The following ZFYVE16 variants were observed in gnomAD, a reference collection of about 807,000 sequenced individuals.
ZFYVE16 encodes zinc finger FYVE domain-containing protein 16.
In ZFYVE16, 89 loss-of-function variants were observed where a neutral mutation model predicts 138.1. The observed-to-expected ratio is 0.64, with a 90% CI of 0.54 to 0.77. The LOEUF (loss-of-function observed/expected upper bound fraction) is 0.77, where lower values mean the gene tolerates loss of function less well. ZFYVE16 is among the 30% of genes least tolerant of loss of function. The pLI is 0.00. For synonymous variants in ZFYVE16, 596 were observed against 618.3 expected (o/e 0.96, Z 0.53); for missense variants, 1,793 against 1,786.7 (o/e 1.00, Z -0.06).
At position 80,437,375 on chromosome 5, in the gene ZFYVE16, A is replaced by G. The variant is rs1241195296; in HGVS notation, c.690A>G (p.Lys230=). The part of the protein sequence containing the change: ...NYSGTENLKD[K]KIFNQLESIV... Reference sequence around the variant, plus strand: ...GTGGAACAGAAAATTTAAAAGATAAAAAGATCTTTAATCAGTTAGAATCAA... The same window carrying G: ...GTGGAACAGAAAATTTAAAAGATAAGAAGATCTTTAATCAGTTAGAATCAA... The change falls in exon 4 of 19, where the codon AAA becomes AAG. Residue 230 remains lysine, a synonymous_variant. Coordinates refer to ENST00000505560, the MANE Select transcript of ZFYVE16 (RefSeq NM_001284236.3). 28 of 1,604,744 alleles carry G rather than the reference A, an allele frequency of 1.7e-5. No homozygotes were observed. Among genetic ancestry groups the G allele is most frequent in the Non-Finnish European group, 2.3e-5 (27 of 1,176,824 alleles).
At chr5:80,409,541 A>C (rs1745118886) in intron 1 of ZFYVE16, among the ~76,000 whole-genome samples, 1 of 152,166 alleles carries the variant, frequency 6.6e-6, no homozygotes, top group Admixed American at 6.5e-5. Flanking sequence ...ATAATTTTTT[A>C]GTGAAAAGTA....
intron 14 of ZFYVE16, among the ~76,000 whole-genome samples, chr5:80,458,645 G>A (rs560000966): frequency 1.6e-4 from 25 of 152,198 alleles, no homozygotes; most frequent in African/African-American, 5.5e-4. Flanking sequence ...AATCCTTAGG[G>A]GCTGTTTATA....
intron 1 of ZFYVE16, among the ~76,000 whole-genome samples, chr5:80,421,318 A>G (rs1561236173): frequency 6.6e-6 from 1 of 152,148 alleles, no homozygotes; most frequent in African/African-American, 2.4e-5. Flanking sequence ...CCATTTGTCA[A>G]CTGTGGCTTT....
chr5:80,435,727 C>T (rs776237042), intron 3 of ZFYVE16: 2 of 439,898 alleles, frequency 4.5e-6, no homozygotes, highest in Non-Finnish European at 9.1e-6. Context: ...CGCCAGCATG[C>T]CCGGCTAATT....
intron 1 of ZFYVE16, among the ~76,000 whole-genome samples, chr5:80,420,866 G>T (rs776691246): frequency 6.6e-6 from 1 of 152,166 alleles, no homozygotes; most frequent in African/African-American, 2.4e-5. Context: ...CTAAGGAATC[G>T]CCACGCTGTC....
intron 8 of ZFYVE16, among the ~76,000 whole-genome samples, chr5:80,449,190 G>A (rs186734926): frequency 1.4e-4 from 22 of 152,078 alleles, no homozygotes; most frequent in Admixed American, 1.0e-3. Context: ...GCTGATATAG[G>A]CATGTGGTAA....
chr5:80,446,766 C>T (rs2112432880), intron 7 of ZFYVE16, among the ~76,000 whole-genome samples: 1 of 152,172 alleles, frequency 6.6e-6, no homozygotes, highest in African/African-American at 2.4e-5. Flanking sequence ...TTTATGCTTA[C>T]ATTTACACAA....
In ZFYVE16 at chr5:80,479,069, G is replaced by A. The variant is rs1755152128; in HGVS notation, c.*1692G>A. On this transcript the variant is annotated 3_prime_UTR_variant, in exon 19 of 19. Coordinates refer to ENST00000505560, the MANE Select transcript of ZFYVE16 (RefSeq NM_001284236.3). Reference sequence around the variant, plus strand: ...TCCATGATGGGACAGCTTTGGATTTGTTTTCATAAAATCTCTATATTCAAT... The same window carrying A: ...TCCATGATGGGACAGCTTTGGATTTATTTTCATAAAATCTCTATATTCAAT... The A allele has an allele frequency of 6.6e-6, 1 of 152,072 alleles. No individual in the cohort carries two copies. The highest frequency in any genetic ancestry group is 2.4e-5 in the African/African-American group (1 of 41,400). 9.4% of individuals were successfully genotyped at this position (152,072 alleles called of 1,614,324 possible).
At chr5:80,428,109 C>T (rs1051184835) in intron 2 of ZFYVE16, among the ~76,000 whole-genome samples, 11 of 151,760 alleles carry the variant, frequency 7.2e-5, no homozygotes, top group Non-Finnish European at 1.3e-4. Context: ...AAGAGAGCAG[C>T]GGTTCTCCCA....
chr5:80,468,321 C>T (rs1247505704), intron 15 of ZFYVE16, among the ~76,000 whole-genome samples: 1 of 152,174 alleles, frequency 6.6e-6, no homozygotes. Context: ...AGAAATGTTT[C>T]ATTAGGCAAT....
chr5:80,416,235 A>G (rs983655286), intron 1 of ZFYVE16, among the ~76,000 whole-genome samples: 7 of 146,112 alleles, frequency 4.8e-5, no homozygotes, highest in South Asian at 2.2e-4. Context: ...TTACGTCAGT[A>G]TGAATACATA....
intron 2 of ZFYVE16, among the ~76,000 whole-genome samples, chr5:80,430,088 C>T (rs1305632889): frequency 6.6e-6 from 1 of 152,162 alleles, no homozygotes; most frequent in African/African-American, 2.4e-5. Flanking sequence ...ACCAAGCGGA[C>T]GTAATAGACA....
In ZFYVE16 at chr5:80,437,094, G is replaced by T; in HGVS notation, c.409G>T (p.Val137Phe). ...TCTGATAAGTGACATGGGTAACTTA[G>T]TTCATGCAACCAATAGTGAAGAAGA... ...CDLISDMGNL[V>F]HATNSEEDIK... The change falls in exon 4 of 19, where the codon GTT becomes TTT. Residue 137 changes from valine (V) to phenylalanine (F), a missense_variant. Val to Phe is a conservative substitution (Grantham distance 50). Around this residue, in one of 2 missense-constraint regions of ZFYVE16, gnomAD observed 1,295 missense variants for 1,204.3 expected, o/e 1.08. Transcript: ENST00000505560. 2 of 1,614,096 alleles carry T rather than the reference G, an allele frequency of 1.2e-6. No individual in the cohort carries two copies. The highest frequency in any genetic ancestry group is 1.7e-6 in the Non-Finnish European group (2 of 1,179,996).
At chr5:80,420,955 CTGT>C (rs1438089197) in intron 1 of ZFYVE16, among the ~76,000 whole-genome samples, 3 of 152,202 alleles carry the variant, frequency 2.0e-5, no homozygotes, top group African/African-American at 7.2e-5. Flanking sequence ...TCTCCAGCAC[CTGT>C]TGTTTCCTGA....
At chr5:80,443,435 A>G in intron 6 of ZFYVE16, 151 bp downstream of exon 6, 2 of 958,082 alleles carry the variant, frequency 2.1e-6, no homozygotes, top group Non-Finnish European at 3.1e-6. Flanking sequence ...AGGCTGGAAG[A>G]CTGGAAGAGC....
chr5:80,408,325 G>C (rs1744908458), intron 1 of ZFYVE16, among the ~76,000 whole-genome samples, 172 bp downstream of exon 1: 1 of 152,204 alleles, frequency 6.6e-6, no homozygotes, highest in African/African-American at 2.4e-5. Context: ...GGAGCTGGCC[G>C]GGGAACCCTG....
At chr5:80,442,866 C>G (rs1285347981) in intron 5 of ZFYVE16, among the ~76,000 whole-genome samples, 4 of 152,194 alleles carry the variant, frequency 2.6e-5, no homozygotes, top group African/African-American at 4.8e-5. Context: ...AAGGGTTACT[C>G]TCTGTAGATA....
At chr5:80,423,402 T>C (rs1229457438) in intron 1 of ZFYVE16, among the ~76,000 whole-genome samples, 1 of 152,208 alleles carries the variant, frequency 6.6e-6, no homozygotes, top group East Asian at 1.9e-4. Context: ...ATCGTTTATG[T>C]CTCTGTTAAT....
rs1386830585 is a variant in ZFYVE16 at position 80,418,958 on chromosome 5, G to T, written c.-93-8534G>T. ...ATATAAGGTGTAATGTCTGTGTCTA[G>T]GTTCATATTTTTCATAGAGATGTCC... On this transcript the variant is annotated intron_variant, in intron 1 of 18. Coordinates refer to ENST00000505560, the MANE Select transcript of ZFYVE16 (RefSeq NM_001284236.3). Among the ~76,000 whole-genome samples the T allele has an allele frequency of 2.6e-5, 4 of 151,932 alleles. No homozygotes were observed. In the East Asian group the frequency reaches 7.7e-4, roughly 29 times the overall value.
Sources: gnomAD v4.1 joint callset for allele counts (sites outside exome capture counted in the v4.1 genomes callset) on GRCh38, gnomAD v4.1.1 for gene constraint, gnomAD v4.1.1 regional missense constraint, MANE v1.5 for transcripts, NCBI Gene and HGNC (gene_info 2026-07-23, HGNC 2026-07-21) for gene names.